The following CSMD1 variants were observed in gnomAD, a reference collection of about 807,000 sequenced individuals.
CSMD1 encodes CUB and Sushi multiple domains 1, also known as CUB and sushi domain-containing protein 1.
In CSMD1, 213 loss-of-function variants were observed where a neutral mutation model predicts 417.5. That is an observed-to-expected ratio of 0.51 (90% CI 0.46 to 0.57). CSMD1 has a LOEUF of 0.57. Among genes scored for constraint, CSMD1 ranks in the 20% least tolerant of loss-of-function variants. The probability of loss-of-function intolerance (pLI) is 0.00; values close to 1 mark genes in which losing one functional copy is unlikely to be tolerated. For synonymous variants in CSMD1, 2,862 were observed against 1,736.8 expected, an observed-to-expected ratio of 1.65 and a Z score of -16.11; for missense variants, 6,923 against 4,529.7, an observed-to-expected ratio of 1.53 and a Z score of -15.17.
intron 3 of CSMD1, among the ~76,000 whole-genome samples, chr8:4,080,360 C>A (rs776943918): frequency 6.6e-6 from 1 of 152,174 alleles, no homozygotes; most frequent in Non-Finnish European, 1.5e-5. Flanking sequence ...GAAGCAAAAT[C>A]TACACAAACA....
chr8:3,633,824 G>A (rs1329795424), intron 7 of CSMD1, among the ~76,000 whole-genome samples: 3 of 152,250 alleles, frequency 2.0e-5, no homozygotes, highest in South Asian at 2.1e-4. Flanking sequence ...CTTGTAACCA[G>A]CTATGAAGTG....
intron 3 of CSMD1, among the ~76,000 whole-genome samples, chr8:4,249,827 G>A (rs901981028): frequency 6.6e-6 from 1 of 152,150 alleles, no homozygotes; most frequent in African/African-American, 2.4e-5. Context: ...TCTAAATGGT[G>A]CTGTGGTTTG....
In CSMD1 at chr8:3,932,623, AT is replaced by A. The variant is rs1240020344; in HGVS notation, c.818+65279del. ...CAAACAGTATCATATTTCACCAAAC[AT>A]TTATATTGACATTTTGCATGTTATT... On this transcript the variant is annotated intron_variant, in intron 5 of 69. Coordinates refer to ENST00000635120, the MANE Select transcript of CSMD1 (RefSeq NM_033225.6). 1.3e-5 allele frequency among the ~76,000 whole-genome samples: 2 copies of A among 150,456 alleles called. 1 individual carries two copies.
intron 51 of CSMD1, among the ~76,000 whole-genome samples, chr8:3,020,303 A>G (rs1809256003): frequency 6.6e-6 from 1 of 152,232 alleles, no homozygotes; most frequent in African/African-American, 2.4e-5. Flanking sequence ...CCAAAAGTAG[A>G]AAAACCTTTA....
chr8:3,249,757 T>G (rs1234654488), intron 26 of CSMD1, among the ~76,000 whole-genome samples: 1 of 7,160 alleles, frequency 1.4e-4, no homozygotes, highest in Non-Finnish European at 1.2e-3. Flanking sequence ...TTATTTCCGT[T>G]TTTTTTAAAT....
chr8:3,360,906 A>G (rs577077852), intron 20 of CSMD1, among the ~76,000 whole-genome samples: 89 of 148,760 alleles, frequency 6.0e-4, no homozygotes, highest in African/African-American at 2.1e-3. Flanking sequence ...TGTCACTGAG[A>G]TCTCATACCT....
chr8:3,536,723 T>C (rs981086257), intron 10 of CSMD1, among the ~76,000 whole-genome samples: 7 of 152,122 alleles, frequency 4.6e-5, no homozygotes, highest in African/African-American at 1.7e-4. Context: ...TCCTCCGGTC[T>C]TGCAGGTGGC....
At chr8:4,492,466 G>C (rs1378450589) in intron 2 of CSMD1, among the ~76,000 whole-genome samples, 4 of 152,142 alleles carry the variant, frequency 2.6e-5, no homozygotes, top group African/African-American at 9.7e-5. Context: ...GTAAACATGA[G>C]CTTAGATTCC....
intron 8 of CSMD1, among the ~76,000 whole-genome samples, chr8:3,601,992 G>C (rs1387670320): frequency 6.6e-6 from 1 of 152,132 alleles, no homozygotes; most frequent in East Asian, 1.9e-4. Flanking sequence ...GATGTGGGTA[G>C]GGGAGGATGG....
intron 3 of CSMD1, among the ~76,000 whole-genome samples, chr8:4,175,413 G>A (rs1251281553): frequency 6.6e-6 from 1 of 152,006 alleles, no homozygotes; most frequent in Admixed American, 6.6e-5. Context: ...TACTTTTATT[G>A]TTCAACGGAA....
At chr8:3,712,513 T>C (rs1801585125) in intron 6 of CSMD1, among the ~76,000 whole-genome samples, 1 of 152,106 alleles carries the variant, frequency 6.6e-6, no homozygotes, top group African/African-American at 2.4e-5. Context: ...ATCCCTGCAA[T>C]AGCCTCTTCT....
At chr8:4,829,569 A>T (rs1209757706) in intron 1 of CSMD1, among the ~76,000 whole-genome samples, 1 of 151,980 alleles carries the variant, frequency 6.6e-6, no homozygotes, top group East Asian at 1.9e-4. Flanking sequence ...TGGCAACCTC[A>T]TCTTTATAGA....
intron 3 of CSMD1, among the ~76,000 whole-genome samples, chr8:4,126,868 G>C (rs1020622377): frequency 6.6e-6 from 1 of 152,068 alleles, no homozygotes; most frequent in African/African-American, 2.4e-5. Context: ...TCAGTCCCAG[G>C]ACCACAGCAT....
At chr8:3,530,451 T>C (rs1797930370) in intron 10 of CSMD1, among the ~76,000 whole-genome samples, 1 of 152,210 alleles carries the variant, frequency 6.6e-6, no homozygotes. Flanking sequence ...CTTCCACATA[T>C]TTGTAAATTT....
chr8:3,324,343 AAT>A (rs1409171353), intron 23 of CSMD1, among the ~76,000 whole-genome samples: 10 of 151,798 alleles, frequency 6.6e-5, no homozygotes, highest in African/African-American at 2.4e-4. Flanking sequence ...TCACTGTTAA[AAT>A]AGACACACAT....
intron 14 of CSMD1, among the ~76,000 whole-genome samples, chr8:3,407,444 G>C (rs1437921767): frequency 3.9e-5 from 6 of 151,932 alleles, no homozygotes; most frequent in Admixed American, 3.3e-4. Context: ...TGGAAGGATG[G>C]ATGGAAAGAT....
chr8:4,921,234 C>T (rs891163419), intron 1 of CSMD1, among the ~76,000 whole-genome samples: 1 of 152,150 alleles, frequency 6.6e-6, no homozygotes, highest in African/African-American at 2.4e-5. Flanking sequence ...ATTCAGAAAC[C>T]TCTTCCACCA....
intron 1 of CSMD1, among the ~76,000 whole-genome samples, chr8:4,921,852 T>A (rs1806519486): frequency 6.6e-6 from 1 of 152,212 alleles, no homozygotes; most frequent in Non-Finnish European, 1.5e-5. Context: ...TTACTCAATC[T>A]GAGAGAAAAC....
chr8:3,174,867 T>C (rs910521064), intron 37 of CSMD1, among the ~76,000 whole-genome samples: 6 of 152,204 alleles, frequency 3.9e-5, no homozygotes, highest in African/African-American at 1.4e-4. Flanking sequence ...GAAGGCAGTT[T>C]ATCACTTTAA....
Sources: allele counts gnomAD v4.1 joint callset (sites outside exome capture counted in the v4.1 genomes callset), GRCh38; gene constraint gnomAD v4.1.1; transcripts MANE v1.5; gene names NCBI Gene and HGNC (gene_info 2026-07-23, HGNC 2026-07-21).